CLN8: variants seen among roughly 807,000 people sequenced by gnomAD.
CLN8 encodes the protein CLN8 transmembrane ER and ERGIC protein.
A neutral mutation model predicts 15.7 loss-of-function variants in CLN8; 14 were observed. The ratio of observed to expected loss-of-function variants is 0.89; its 90% confidence interval spans 0.59 to 1.39. CLN8 has a LOEUF of 1.39. CLN8 is among the 40% of genes most tolerant of loss of function. CLN8 has a pLI of 0.00. For synonymous variants in CLN8, 188 were observed against 151.0 expected, an observed-to-expected ratio of 1.25 and a Z score of -1.80; for missense variants, 415 against 364.0, an observed-to-expected ratio of 1.14 and a Z score of -1.14.
chr8:1,766,883 A>G (rs1460187535), intron 1 of CLN8, among the ~76,000 whole-genome samples: 1 of 152,188 alleles, frequency 6.6e-6, no homozygotes, highest in Non-Finnish European at 1.5e-5. Context: ...GCAAAAGGAG[A>G]AGCTGAGCTC....
upstream of CLN8, among the ~76,000 whole-genome samples, chr8:1,754,729 A>C (rs1055483459): frequency 1.3e-5 from 2 of 152,218 alleles, no homozygotes; most frequent in Non-Finnish European, 2.9e-5. Context: ...AGCAGGGACT[A>C]TGGGCAAGCC....
upstream of CLN8, among the ~76,000 whole-genome samples, chr8:1,754,814 A>G (rs2130941634): frequency 6.6e-6 from 1 of 152,302 alleles, no homozygotes; most frequent in African/African-American, 2.4e-5. Context: ...CTCAGTGGAT[A>G]GTTCACAGCG....
chr8:1,753,933 T>C (rs972107335), upstream of CLN8, among the ~76,000 whole-genome samples: 3 of 152,022 alleles, frequency 2.0e-5, no homozygotes, highest in African/African-American at 4.8e-5. Context: ...GCATACTCAT[T>C]ACTGTACAGT....
At chr8:1,772,547 C>T (rs1260832952) in intron 2 of CLN8, among the ~76,000 whole-genome samples, 1 of 152,204 alleles carries the variant, frequency 6.6e-6, no homozygotes, top group Non-Finnish European at 1.5e-5. Context: ...CAACCTCCGC[C>T]ACCCGGATTC....
At chr8:1,770,664 GT>G in intron 1 of CLN8, among the ~76,000 whole-genome samples, 1 of 152,262 alleles carries the variant, frequency 6.6e-6, no homozygotes, top group Middle Eastern at 3.4e-3. Context: ...TGCTGGTGGG[GT>G]GCACATAGGA....
upstream of CLN8, among the ~76,000 whole-genome samples, chr8:1,753,614 T>C (rs1355207873): frequency 8.6e-5 from 8 of 93,132 alleles, no homozygotes; most frequent in African/African-American, 3.1e-4. Context: ...AGGCTGGGTG[T>C]AGTGGCTCAC....
Position 1,784,452 on chromosome 8 carries a change from A to G in CLN8, c.*3885A>G, listed in dbSNP as rs1484091646. The G allele has an allele frequency of 6.6e-6, 1 of 152,250 alleles. No individual in the cohort carries two copies. Among genetic ancestry groups the G allele is most frequent in the Non-Finnish European group, 1.5e-5 (1 of 68,090 alleles). 9.4% of individuals were successfully genotyped at this position (152,250 alleles called of 1,614,324 possible). A position where few individuals can be genotyped will look rare whatever the true frequency, so the allele number is the denominator to read the frequency against. The stretch of plus-strand genomic sequence containing the variant: ...GTTCTCCGCTGCCTTTTTATGAGGC[A>G]TTAAGCCATTTGCAAGAGTAGGGGG... On this transcript the variant is annotated 3_prime_UTR_variant, in exon 3 of 3. Transcript: ENST00000331222.
chr8:1,755,950 T>A (rs188815261), exon 1 of CLN8: 2 of 152,172 alleles, frequency 1.3e-5, no homozygotes, highest in Admixed American at 1.3e-4. Flanking sequence ...AGGGGGAAAA[T>A]GTGAATTGGA....
intron 1 of CLN8, among the ~76,000 whole-genome samples, chr8:1,757,335 A>C (rs1800694068): frequency 6.6e-6 from 1 of 152,194 alleles, no homozygotes; most frequent in African/African-American, 2.4e-5. Flanking sequence ...GACACTGCCA[A>C]ATGTCCCCAC....
chr8:1,767,792 C>T (rs1210667969), intron 1 of CLN8, among the ~76,000 whole-genome samples: 4 of 151,606 alleles, frequency 2.6e-5, no homozygotes, highest in Non-Finnish European at 5.9e-5. Flanking sequence ...AGGCTGGTCT[C>T]GAACTTCTGA....
At chr8:1,757,123 C>T (rs1283476119) in intron 1 of CLN8, among the ~76,000 whole-genome samples, 1 of 152,202 alleles carries the variant, frequency 6.6e-6, no homozygotes, top group East Asian at 1.9e-4. Context: ...GTCCCTCTCT[C>T]TACAGTTTTA....
chr8:1,763,411 GCCGCGCC>G (rs1318353583), upstream of CLN8: 9 of 22,402 alleles, frequency 4.0e-4, no homozygotes, highest in African/African-American at 1.9e-3. Flanking sequence ...CCCGCCCCCC[GCCGCGCC>G]CCGCCCCCCG....
intron 2 of CLN8, chr8:1,772,927 A>T (rs1801371950): frequency 2.5e-6 from 1 of 398,610 alleles, no homozygotes; most frequent in Non-Finnish European, 4.4e-6. Context: ...TCTACAGGAG[A>T]CTGGTAGCCT....
At chr8:1,776,242 G>A (rs113516779) in intron 2 of CLN8, among the ~76,000 whole-genome samples, 1 of 152,026 alleles carries the variant, frequency 6.6e-6, no homozygotes, top group South Asian at 2.1e-4. Context: ...CACAGAGAAG[G>A]TTCTGGAAGC....
chr8:1,758,794 G>T (rs970795000), upstream of CLN8: 2 of 152,260 alleles, frequency 1.3e-5, no homozygotes, highest in Middle Eastern at 3.4e-3. Flanking sequence ...AGAAAGGATT[G>T]TCTGGGTTAC....
chr8:1,759,599 T>G (rs1294470409), upstream of CLN8: 1 of 152,194 alleles, frequency 6.6e-6, no homozygotes, highest in Non-Finnish European at 1.5e-5. Context: ...GGGGTCCAGG[T>G]CAGAGCCTTG....
upstream of CLN8, chr8:1,758,827 G>A (rs754390314): frequency 6.6e-6 from 1 of 152,130 alleles, no homozygotes; most frequent in Non-Finnish European, 1.5e-5. Context: ...GGAGACCAAG[G>A]TTTTTTATCT....
chr8:1,770,741 A>G (rs1470157808), intron 1 of CLN8, among the ~76,000 whole-genome samples, 191 bp from the exon 2 acceptor site: 3 of 152,102 alleles, frequency 2.0e-5, no homozygotes, highest in Non-Finnish European at 2.9e-5. Flanking sequence ...GGACCGCTCT[A>G]GCTTTAGTTT....
At chr8:1,758,406 A>T (rs1032330693) in intron 1 of CLN8, 2 of 152,206 alleles carry the variant, frequency 1.3e-5, no homozygotes, top group African/African-American at 2.4e-5. Context: ...ACACAGCCCC[A>T]TGAGGTCCTA....
Sources: gnomAD v4.1 joint callset for allele counts (sites outside exome capture counted in the v4.1 genomes callset) on GRCh38, gnomAD v4.1.1 for gene constraint, MANE v1.5 for transcripts, NCBI Gene and HGNC (gene_info 2026-07-23, HGNC 2026-07-21) for gene names.